CNR2: variants seen among roughly 807,000 people sequenced by gnomAD.
CNR2 encodes the protein cannabinoid receptor 2 (macrophage).
For missense variants in CNR2, 379 were observed against 439.9 expected, an observed-to-expected ratio of 0.86 and a Z score of 1.24; for synonymous variants, 172 against 182.2, an observed-to-expected ratio of 0.94 and a Z score of 0.45.
intron 1 of CNR2, among the ~76,000 whole-genome samples, chr1:23,896,881 G>T (rs75389388): frequency 1.4e-5 from 2 of 141,822 alleles, no homozygotes; most frequent in South Asian, 2.3e-4. Context: ...CACCAGGAGT[G>T]TTTTTTTTTT....
At chr1:23,901,577 T>G in intron 1 of CNR2, 2 of 1,613,438 alleles carry the variant, frequency 1.2e-6, no homozygotes, top group Non-Finnish European at 1.7e-6. Context: ...GCACTGCACT[T>G]GCGTCATCCC....
intron 1 of CNR2, among the ~76,000 whole-genome samples, chr1:23,911,141 A>G (rs3123558): frequency 2.9e-5 from 4 of 136,860 alleles, no homozygotes; most frequent in Non-Finnish European, 6.2e-5. Context: ...GCGCAGTGAG[A>G]AGGTTAGGTC....
intron 1 of CNR2, among the ~76,000 whole-genome samples, chr1:23,881,823 G>A (rs1424547208): frequency 2.7e-5 from 4 of 150,318 alleles, no homozygotes; most frequent in African/African-American, 2.4e-5. Context: ...TTGGGAAGGC[G>A]GAGGTTTCGG....
At chr1:23,885,575 G>A (rs992348642) in intron 1 of CNR2, among the ~76,000 whole-genome samples, 23 of 152,188 alleles carry the variant, frequency 1.5e-4, no homozygotes, top group Non-Finnish European at 2.9e-4. Context: ...TACTCTGTGA[G>A]GTTGCTAAGA....
intron 1 of CNR2, among the ~76,000 whole-genome samples, chr1:23,881,368 G>A (rs1041832213): frequency 2.0e-5 from 3 of 151,926 alleles, no homozygotes; most frequent in East Asian, 1.9e-4. Flanking sequence ...AGGCCGAGGC[G>A]GGCAGATCAC....
chr1:23,882,883 G>A (rs1365101202), intron 1 of CNR2, among the ~76,000 whole-genome samples: 1 of 151,930 alleles, frequency 6.6e-6, no homozygotes, highest in African/African-American at 2.4e-5. Flanking sequence ...AGCTCATCAT[G>A]CAACTCATGA....
At chr1:23,883,339 G>A (rs1640026107) in intron 1 of CNR2, among the ~76,000 whole-genome samples, 1 of 152,180 alleles carries the variant, frequency 6.6e-6, no homozygotes, top group Non-Finnish European at 1.5e-5. Flanking sequence ...TGCAGTCCCG[G>A]GAATACGTTC....
intron 1 of CNR2, among the ~76,000 whole-genome samples, chr1:23,886,072 C>T (rs1471429546): frequency 6.6e-6 from 1 of 151,154 alleles, no homozygotes; most frequent in African/African-American, 2.4e-5. Context: ...CCTGTAATCC[C>T]AGCTAACTCA....
chr1:23,885,780 A>G (rs1640078014), intron 1 of CNR2, among the ~76,000 whole-genome samples: 1 of 152,102 alleles, frequency 6.6e-6, no homozygotes, highest in Non-Finnish European at 1.5e-5. Flanking sequence ...CAGGAAGCTG[A>G]GGCAGGAGAA....
chr1:23,890,962 T>C (rs904072679), intron 1 of CNR2, among the ~76,000 whole-genome samples: 13 of 149,142 alleles, frequency 8.7e-5, no homozygotes, highest in African/African-American at 3.2e-4. Context: ...CACTGCAACC[T>C]CAACTTCCCA....
intron 1 of CNR2, chr1:23,901,573 C>T (rs1188546274): frequency 2.1e-5 from 34 of 1,613,366 alleles, no homozygotes; most frequent in African/African-American, 6.7e-5. Context: ...TTCTGCACTG[C>T]ACTTGCGTCA....
In CNR2 at chr1:23,875,190, G is replaced by A. The variant is rs200635692; in HGVS notation, c.428C>T (p.Ala143Val). Residue 143 changes from alanine to valine, a missense_variant, in exon 2 of 2, where the codon GCT (alanine) becomes GTT (valine). Physicochemically the swap from Ala to Val is moderately conservative, Grantham distance 64 (BLOSUM62 0). Coordinates refer to ENST00000374472, the MANE Select transcript of CNR2 (RefSeq NM_001841.3). ...LCLRYPPSYK[A>V]LLTRGRALVT... ...CAGTGCCCTTCCACGGGTGAGCAGA[G>A]CTTTGTAGGAAGGTGGATAGCGCAG... is the stretch of plus-strand genomic sequence containing the variant. The A allele has an allele frequency of 1.2e-6, 2 of 1,614,136 alleles. No individual in the cohort carries two copies. The highest frequency in any genetic ancestry group is 1.1e-5 in the South Asian group (1 of 91,082).
At chr1:23,905,867 C>T (rs1231745384) in intron 1 of CNR2, among the ~76,000 whole-genome samples, 2 of 152,150 alleles carry the variant, frequency 1.3e-5, no homozygotes, top group African/African-American at 4.8e-5. Context: ...TAACAAAGAA[C>T]ACATGTTGCA....
In CNR2 at chr1:23,902,692, C is replaced by T. The variant is rs1387364765; in HGVS notation, c.-46+10554G>A. ...CCCACGACAAAGTGCACGTCGGCCA[C>T]GAGCTCGTTGTTGAACATGAGCGCG... is the stretch of plus-strand genomic sequence containing the variant. On this transcript the variant is annotated intron_variant, in intron 1 of 1. Transcript: ENST00000374472. The T allele has an allele frequency of 1.3e-5, 20 of 1,593,098 alleles. No homozygotes were observed. In the Admixed American group the frequency reaches 1.7e-4, roughly 13 times the overall value.
At chr1:23,903,539 C>T (rs1364340660) in intron 1 of CNR2, among the ~76,000 whole-genome samples, 1 of 148,912 alleles carries the variant, frequency 6.7e-6, no homozygotes, top group Admixed American at 6.7e-5. Flanking sequence ...TGCCACTGCA[C>T]TCCAGCCTGG....
chr1:23,874,869 A>G lies in CNR2; in HGVS notation c.749T>C (p.Val250Ala). 4 of 1,614,094 alleles carry G rather than the reference A, an allele frequency of 2.5e-6. No homozygotes were observed. The highest frequency in any genetic ancestry group is 3.4e-6 in the Non-Finnish European group (4 of 1,179,984). The change falls in exon 2 of 2, where the codon GTG becomes GCG. Residue 250 changes from valine to alanine, a missense_variant. By Grantham distance (64) the Val-to-Ala change is moderately conservative. Coordinates refer to ENST00000374472, the MANE Select transcript of CNR2 (RefSeq NM_001841.3). ...CCAACAGATGAGGAGCACAGCCAAC[A>G]CTAGCCCTAGGGTCTTGGCCAACCT... ...DVRLAKTLGL[V>A]LAVLLICWFP...
intron 1 of CNR2, among the ~76,000 whole-genome samples, chr1:23,900,568 G>A (rs1640381895): frequency 7.0e-6 from 1 of 143,546 alleles, no homozygotes; most frequent in Non-Finnish European, 1.5e-5. Context: ...GTGCAATGGT[G>A]CAATCTCGGC....
Position 23,874,137 on chromosome 1 carries a change from C to G in CNR2, c.*398G>C, listed in dbSNP as rs1221136973. The G allele has an allele frequency of 1.1e-5, 2 of 180,992 alleles. No individual in the cohort carries two copies. The highest frequency in any genetic ancestry group is 2.4e-5 in the Non-Finnish European group (2 of 83,744). The allele number at this position is 180,992 out of a possible 1,614,324, so 11.2% of individuals were successfully genotyped here. On this transcript the variant is annotated 3_prime_UTR_variant, in exon 2 of 2. Transcript: ENST00000374472. ...GCAGAGAGAAGACCTGGATGTCCAT[C>G]CCATCTGATACCCTGACTTCCCAAG... is the stretch of plus-strand genomic sequence containing the variant.
At chr1:23,886,188 C>CAAAA (rs71026697) in intron 1 of CNR2, among the ~76,000 whole-genome samples, 10 of 130,396 alleles carry the variant, frequency 7.7e-5, no homozygotes, top group African/African-American at 2.3e-4. Flanking sequence ...GACTCTATTT[C>CAAAA]AAAAAAAAAA....
Sources: allele counts gnomAD v4.1 joint callset (sites outside exome capture counted in the v4.1 genomes callset), GRCh38; gene constraint gnomAD v4.1.1; transcripts MANE v1.5; gene names NCBI Gene and HGNC (gene_info 2026-07-23, HGNC 2026-07-21).